The following RSRC1 variants were observed in gnomAD, a reference collection of about 807,000 sequenced individuals.
The protein encoded by RSRC1 is serine/Arginine-related protein 53.
Under a neutral mutation model 49.1 loss-of-function variants are expected in RSRC1, and 39 were observed. The observed-to-expected ratio is 0.79, with a 90% confidence interval of 0.61 to 1.04. The LOEUF (loss-of-function observed/expected upper bound fraction) is 1.04, where lower values mean the gene tolerates loss of function less well. RSRC1 is among the 50% of genes least tolerant of loss of function. RSRC1 has a pLI of 0.00. For synonymous variants in RSRC1, 143 were observed against 130.8 expected, an observed-to-expected ratio of 1.09 and a Z score of -0.63; for missense variants, 388 against 402.4, an observed-to-expected ratio of 0.96 and a Z score of 0.31.
chr3:158,274,470 G>T (rs1294294043), intron 4 of RSRC1, among the ~76,000 whole-genome samples: 4 of 151,128 alleles, frequency 2.6e-5, no homozygotes, highest in Admixed American at 2.6e-4. Flanking sequence ...TTTTTTTTAA[G>T]AAGAAATTTA....
At chr3:158,500,048 G>T (rs1280716361) in intron 7 of RSRC1, among the ~76,000 whole-genome samples, 1 of 152,086 alleles carries the variant, frequency 6.6e-6, no homozygotes, top group African/African-American at 2.4e-5. Flanking sequence ...CTTGTATGCC[G>T]ATTTTGCTGA....
intron 6 of RSRC1, among the ~76,000 whole-genome samples, chr3:158,355,383 T>C (rs914509881): frequency 1.3e-5 from 2 of 151,768 alleles, no homozygotes; most frequent in African/African-American, 4.8e-5. Flanking sequence ...TTATATTTTA[T>C]GGTTTTACAC....
intron 7 of RSRC1, chr3:158,497,071 G>T (rs1236881956): frequency 6.6e-6 from 1 of 151,880 alleles, no homozygotes; most frequent in Non-Finnish European, 1.5e-5. Flanking sequence ...TAATACATAA[G>T]AAATCTTACC....
intron 1 of RSRC1, among the ~76,000 whole-genome samples, chr3:158,116,697 T>C (rs1714848301): frequency 6.6e-6 from 1 of 150,514 alleles, no homozygotes; most frequent in Non-Finnish European, 1.5e-5. Context: ...TAAATAATGT[T>C]TTAGTGTTAC....
intron 4 of RSRC1, among the ~76,000 whole-genome samples, chr3:158,239,881 A>G (rs1723469801): frequency 6.6e-6 from 1 of 152,200 alleles, no homozygotes; most frequent in Admixed American, 6.5e-5. Context: ...AGAAATTTTT[A>G]GATGAATAGA....
intron 4 of RSRC1, among the ~76,000 whole-genome samples, chr3:158,216,048 G>A (rs976379663): frequency 2.0e-5 from 3 of 151,508 alleles, no homozygotes; most frequent in Admixed American, 6.6e-5. Flanking sequence ...AATTTTGTGT[G>A]AAAATATCTG....
chr3:158,439,008 T>C (rs1321476873), intron 6 of RSRC1, among the ~76,000 whole-genome samples: 1 of 152,192 alleles, frequency 6.6e-6, no homozygotes, highest in African/African-American at 2.4e-5. Context: ...GCGAAGGATA[T>C]GAAGAGGCAC....
At chr3:158,353,006 C>T (rs1578376679) in intron 5 of RSRC1, among the ~76,000 whole-genome samples, 3 of 152,118 alleles carry the variant, frequency 2.0e-5, no homozygotes, top group Admixed American at 6.5e-5. Flanking sequence ...CTTTATAAAG[C>T]GTGCTTACAT....
intron 3 of RSRC1, among the ~76,000 whole-genome samples, chr3:158,149,064 G>A (rs572673912): frequency 3.9e-5 from 6 of 152,284 alleles, no homozygotes; most frequent in African/African-American, 9.6e-5. Context: ...GATTACAGGC[G>A]TGAGCCACTG....
At chr3:158,376,814 C>T (rs76680488) in intron 6 of RSRC1, among the ~76,000 whole-genome samples, 4 of 151,908 alleles carry the variant, frequency 2.6e-5, no homozygotes, top group Admixed American at 6.6e-5. Context: ...ATTGGTTGGA[C>T]GGGGAAGTTG....
rs777770663 is a variant in RSRC1, at chr3:158,544,240, C to CT, written c.970_971insT (p.Arg324LeufsTer25). ...ATGGTTCAAGAGATTAATTGCTCTC[C>CT]GACAAGAAAGACTAATGGGCAGTCC... On this transcript the variant is annotated frameshift_variant, in exon 10 of 10. Coordinates refer to ENST00000611884, the MANE Select transcript of RSRC1 (RefSeq NM_001271838.2). LOFTEE classifies it high-confidence loss of function. The CT allele has an allele frequency of 1.4e-5, 23 of 1,612,024 alleles. No homozygotes were observed. The highest frequency in any genetic ancestry group is 2.0e-5 in the Non-Finnish European group (23 of 1,178,996).
At position 158,543,341 on chromosome 3, in the gene RSRC1, G is replaced by A. The variant is rs1295744767; in HGVS notation, c.766G>A (p.Glu256Lys). ...RSSKEVKKSV[E>K]PSEVKQATST... ...TATGTGTTGTTTCTTTCAGTCAGTG[G>A]AACCTAGTGAAGTGAAACAAGCAAC... is the stretch of plus-strand genomic sequence containing the variant. Residue 256 changes from glutamate (E) to lysine (K), a missense_variant, in exon 9 of 10, where the codon GAA (glutamate) becomes AAA (lysine). By Grantham distance (56) the Glu-to-Lys change is moderately conservative. Transcript: ENST00000611884. 6.4e-7 allele frequency: 1 copy of A among 1,564,458 alleles called. No homozygotes were observed. The highest frequency in any genetic ancestry group is 8.6e-7 in the Non-Finnish European group (1 of 1,160,070).
chr3:158,533,673 A>T (rs898638757), intron 7 of RSRC1, among the ~76,000 whole-genome samples: 1 of 151,696 alleles, frequency 6.6e-6, no homozygotes, highest in African/African-American at 2.4e-5. Context: ...ATGAGACATC[A>T]TCCTGAAGTC....
intron 6 of RSRC1, among the ~76,000 whole-genome samples, chr3:158,450,028 T>C: frequency 6.6e-6 from 1 of 152,004 alleles, no homozygotes; most frequent in East Asian, 1.9e-4. Flanking sequence ...TCCCTGACCA[T>C]ATTCCTTTCC....
intron 4 of RSRC1, among the ~76,000 whole-genome samples, chr3:158,271,428 CAGGCCTGCATGAGCAG>C (rs1725512716): frequency 3.9e-5 from 6 of 152,100 alleles, no homozygotes; most frequent in Non-Finnish European, 7.4e-5. Context: ...TTGATGGATA[CAGGCCTGCATGAGCAG>C]TCAGAGTAGA....
intron 3 of RSRC1, among the ~76,000 whole-genome samples, chr3:158,175,345 T>C (rs1240892587): frequency 1.3e-5 from 2 of 152,138 alleles, no homozygotes; most frequent in African/African-American, 4.8e-5. Context: ...CTTTCCTTTG[T>C]GGTTAGTACT....
chr3:158,523,999 C>A (rs1285039699), intron 7 of RSRC1, among the ~76,000 whole-genome samples: 2 of 152,084 alleles, frequency 1.3e-5, no homozygotes, highest in African/African-American at 4.8e-5. Context: ...CCACTTCCTC[C>A]TGGTTGCCAT....
intron 4 of RSRC1, among the ~76,000 whole-genome samples, chr3:158,223,403 A>G (rs907021170): frequency 1.4e-4 from 21 of 151,752 alleles, no homozygotes; most frequent in Non-Finnish European, 2.7e-4. Context: ...CAAAGATATT[A>G]TGTAGGTACT....
intron 7 of RSRC1, among the ~76,000 whole-genome samples, chr3:158,483,927 C>G (rs1304198098): frequency 6.6e-6 from 1 of 152,050 alleles, no homozygotes; most frequent in Non-Finnish European, 1.5e-5. Flanking sequence ...AATTATCACT[C>G]TGAGACCTTT....
Sources: gnomAD v4.1 joint callset for allele counts (sites outside exome capture counted in the v4.1 genomes callset) on GRCh38, gnomAD v4.1.1 for gene constraint, MANE v1.5 for transcripts, NCBI Gene and HGNC (gene_info 2026-07-23, HGNC 2026-07-21) for gene names.